GNPDA2: variants seen among roughly 807,000 people sequenced by gnomAD.
GNPDA2 encodes glucosamine-6-phosphate deaminase 2.
In GNPDA2, 24 loss-of-function variants were observed where a neutral mutation model predicts 27.0. That is an observed-to-expected ratio of 0.89 (90% CI 0.64 to 1.25). The LOEUF is 1.25. Among genes scored for constraint, GNPDA2 ranks in the 50% most tolerant of loss-of-function variants. The pLI, the probability that GNPDA2 is intolerant of heterozygous loss-of-function variation, is 0.00. For synonymous variants in GNPDA2, 94 were observed against 108.4 expected, an observed-to-expected ratio of 0.87 and a Z score of 0.83; for missense variants, 286 against 335.1, an observed-to-expected ratio of 0.85 and a Z score of 1.14.
chr4:44,703,302 G>T, intron 6 of GNPDA2, 160 bp from the exon 7 acceptor site: 1 of 1,391,112 alleles, frequency 7.2e-7, no homozygotes, highest in East Asian at 2.7e-5. Flanking sequence ...AAATGTTTCA[G>T]AATGTCTTAA....
At position 44,702,926 on chromosome 4, in the gene GNPDA2, A is replaced by G. The variant is rs1240372891; in HGVS notation, c.*155T>C. ...TTAAACCCAAGTACAAGATATAAAT[A>G]TTCAAAATATGGAATGTTTAACATA... On this transcript the variant is annotated 3_prime_UTR_variant, in exon 7 of 7. Coordinates refer to ENST00000295448, the MANE Select transcript of GNPDA2 (RefSeq NM_138335.3). 4 of 1,464,396 alleles carry G rather than the reference A, an allele frequency of 2.7e-6. No individual in the cohort carries two copies. Among genetic ancestry groups the G allele is most frequent in the Non-Finnish European group, 3.6e-6 (4 of 1,118,914 alleles). 90.7% of individuals were successfully genotyped at this position (1,464,396 alleles called of 1,614,324 possible).
chr4:44,722,066 GA>G lies in GNPDA2; in HGVS notation c.124+17del. ...TTAGATAATATCAGAATATAAAATGGAAAAAGTAGTTAATTACCTGTTGGTA... is the reference window on the plus strand; with the variant it reads ...TTAGATAATATCAGAATATAAAATGGAAAAGTAGTTAATTACCTGTTGGTA... On this transcript the variant is annotated intron_variant, in intron 2 of 6. Transcript: ENST00000295448. 1 of 1,569,904 alleles carries G rather than the reference GA, an allele frequency of 6.4e-7. No individual in the cohort carries two copies. Among genetic ancestry groups the G allele is most frequent in the Non-Finnish European group, 8.7e-7 (1 of 1,147,050 alleles).
chr4:44,703,367 A>C, intron 6 of GNPDA2: 1 of 1,307,030 alleles, frequency 7.7e-7, no homozygotes, highest in Non-Finnish European at 9.7e-7. Flanking sequence ...GCAGATCTAG[A>C]ATGTGTACAG....
intron 6 of GNPDA2, chr4:44,703,558 A>AT: frequency 1.0e-6 from 1 of 990,808 alleles, no homozygotes; most frequent in Non-Finnish European, 1.2e-6. Flanking sequence ...CTCACTCTTA[A>AT]TACATTACCC....
chr4:44,703,200 A>G, intron 6 of GNPDA2, 58 bp from the exon 7 acceptor site: 1 of 1,561,008 alleles, frequency 6.4e-7, no homozygotes, highest in Non-Finnish European at 8.6e-7. Context: ...TATCTCATTT[A>G]CTTTAGACAA....
chr4:44,705,474 T>G, intron 6 of GNPDA2: 1 of 985,192 alleles, frequency 1.0e-6, no homozygotes, highest in Non-Finnish European at 1.2e-6. Flanking sequence ...GCAGTGCAGC[T>G]ATCCTCTCAC....
Position 44,702,607 on chromosome 4 carries a change from G to C in GNPDA2, c.*474C>G. ...GATGGTGCTGTAGGAAGATGACTAA[G>C]GCAACCACGTGCAGAAAAGCATGTG... On this transcript the variant is annotated 3_prime_UTR_variant, in exon 7 of 7. Transcript: ENST00000295448. The C allele has an allele frequency of 2.0e-6, 2 of 1,000,762 alleles. No individual in the cohort carries two copies. The highest frequency in any genetic ancestry group is 1.2e-6 in the Non-Finnish European group (1 of 840,782). The allele number at this position is 1,000,762 out of a possible 1,614,324, so 62.0% of individuals were successfully genotyped here. A position where few individuals can be genotyped will look rare whatever the true frequency, so the allele number is the denominator to read the frequency against.
chr4:44,725,859 G>A (rs1717979538), intron 1 of GNPDA2, among the ~76,000 whole-genome samples: 1 of 152,190 alleles, frequency 6.6e-6, no homozygotes, highest in African/African-American at 2.4e-5. Context: ...CTAGGAAAAA[G>A]GGCTGCTGAA....
At chr4:44,704,725 G>C (rs888696648) in intron 6 of GNPDA2, 3 of 983,136 alleles carry the variant, frequency 3.1e-6, no homozygotes, top group South Asian at 9.4e-5. Flanking sequence ...TTCCTGAAAC[G>C]TTACCAGAAG....
Position 44,702,918 on chromosome 4 carries a change from A to T in GNPDA2, c.*163T>A. ...TACTTCTCTTAAACCCAAGTACAAGATATAAATATTCAAAATATGGAATGT... is the reference window on the plus strand; with the variant it reads ...TACTTCTCTTAAACCCAAGTACAAGTTATAAATATTCAAAATATGGAATGT... On this transcript the variant is annotated 3_prime_UTR_variant, in exon 7 of 7. Transcript: ENST00000295448. 1.4e-6 allele frequency: 2 copies of T among 1,457,886 alleles called. No individual in the cohort carries two copies. The highest frequency in any genetic ancestry group is 1.8e-6 in the Non-Finnish European group (2 of 1,116,010). 90.3% of individuals were successfully genotyped at this position (1,457,886 alleles called of 1,614,324 possible). A position where few individuals can be genotyped will look rare whatever the true frequency, so the allele number is the denominator to read the frequency against.
chr4:44,709,110 G>C (rs369926230), intron 5 of GNPDA2, among the ~76,000 whole-genome samples: 1 of 152,028 alleles, frequency 6.6e-6, no homozygotes, highest in Non-Finnish European at 1.5e-5. Context: ...CTCTAAAAAG[G>C]TAATGGGACA....
At chr4:44,704,991 T>C (rs1577579526) in intron 6 of GNPDA2, 2 of 983,374 alleles carry the variant, frequency 2.0e-6, no homozygotes, top group East Asian at 2.3e-4. Flanking sequence ...TTAACTTGTA[T>C]CTTTCAAAAG....
intron 5 of GNPDA2, among the ~76,000 whole-genome samples, chr4:44,708,138 G>C (rs1316743349): frequency 1.3e-5 from 2 of 152,164 alleles, no homozygotes; most frequent in South Asian, 4.1e-4. Flanking sequence ...ACAATATCTT[G>C]TTATGGGTTA....
intron 5 of GNPDA2, among the ~76,000 whole-genome samples, chr4:44,709,066 T>C (rs1434219928): frequency 2.6e-5 from 4 of 152,094 alleles, no homozygotes; most frequent in Non-Finnish European, 4.4e-5. Context: ...AATTAGACAA[T>C]ATGAGCTAAG....
At chr4:44,724,389 G>T (rs1045641410) in intron 1 of GNPDA2, among the ~76,000 whole-genome samples, 2 of 152,284 alleles carry the variant, frequency 1.3e-5, no homozygotes, top group Admixed American at 6.5e-5. Context: ...CCTTCGGGTA[G>T]ATACCCAGTA....
chr4:44,705,823 T>A (rs1015041274), intron 6 of GNPDA2: 3 of 151,938 alleles, frequency 2.0e-5, no homozygotes, highest in Non-Finnish European at 4.4e-5. Flanking sequence ...TCTCTGTCTG[T>A]TAAGCCTATT....
chr4:44,714,464 T>C, intron 4 of GNPDA2: 3 of 985,324 alleles, frequency 3.0e-6, no homozygotes, highest in Non-Finnish European at 2.4e-6. Flanking sequence ...TCTGCTCTAA[T>C]TCCCTGGAAT....
chr4:44,718,542 T>C (rs1267860893), intron 2 of GNPDA2, 132 bp from the exon 3 acceptor site: 5 of 369,158 alleles, frequency 1.4e-5, no homozygotes, highest in Non-Finnish European at 2.5e-5. Flanking sequence ...ATTATTAACT[T>C]AAATACATAA....
Position 44,701,915 on chromosome 4 carries a change from C to A in GNPDA2, c.*1166G>T. ...GCTATTTTAATATTTTAAGAAACTACATTTTAATCACATAGACAAGCAGAT... is the reference window on the plus strand; with the variant it reads ...GCTATTTTAATATTTTAAGAAACTAAATTTTAATCACATAGACAAGCAGAT... On this transcript the variant is annotated 3_prime_UTR_variant, in exon 7 of 7. Coordinates refer to ENST00000295448, the MANE Select transcript of GNPDA2 (RefSeq NM_138335.3). 1 of 983,254 alleles carries A rather than the reference C, an allele frequency of 1.0e-6. No individual in the cohort carries two copies. Among genetic ancestry groups the A allele is most frequent in the Non-Finnish European group, 1.2e-6 (1 of 828,088 alleles). 60.9% of individuals were successfully genotyped at this position (983,254 alleles called of 1,614,324 possible). A position where few individuals can be genotyped will look rare whatever the true frequency, so the allele number is the denominator to read the frequency against.
Sources: gnomAD v4.1 joint callset for allele counts (sites outside exome capture counted in the v4.1 genomes callset) on GRCh38, gnomAD v4.1.1 for gene constraint, MANE v1.5 for transcripts, NCBI Gene and HGNC (gene_info 2026-07-23, HGNC 2026-07-21) for gene names.